GALNT15: variants seen among roughly 807,000 people sequenced by gnomAD.
GALNT15 encodes polypeptide N-acetylgalactosaminyltransferase 15.
Under a neutral mutation model 66.8 loss-of-function variants are expected in GALNT15, and 67 were observed. The ratio of observed to expected loss-of-function variants is 1.00; its 90% CI spans 0.82 to 1.23. The LOEUF (loss-of-function observed/expected upper bound fraction) is 1.23. Ranked by LOEUF, GALNT15 falls within the 50% of genes most tolerant of loss-of-function variation. The pLI, the probability that GALNT15 is intolerant of heterozygous loss-of-function variation, is 0.00. For synonymous variants in GALNT15, 313 were observed against 311.5 expected, an observed-to-expected ratio of 1.00 and a Z score of -0.05; for missense variants, 827 against 804.3, an observed-to-expected ratio of 1.03 and a Z score of -0.34.
downstream of GALNT15, among the ~76,000 whole-genome samples, chr3:16,236,607 A>C (rs1324956716): frequency 6.6e-6 from 1 of 152,272 alleles, no homozygotes; most frequent in Admixed American, 6.5e-5. Context: ...AGCTTTAAAA[A>C]TATAAAAATA....
rs1261978324 is a variant in GALNT15, at chr3:16,181,045, A to C, written c.539+5355A>C. Among the ~76,000 whole-genome samples, 1 of 152,236 alleles carries C rather than the reference A, an allele frequency of 6.6e-6. No individual in the cohort carries two copies. Among genetic ancestry groups the C allele is most frequent in the Non-Finnish European group, 1.5e-5 (1 of 68,046 alleles). ...GTGTGATGATTTTCCTTGTGTATTA[A>C]GTCCAAACAGAAGTTGCCCTTATCA... On this transcript the variant is annotated intron_variant, in intron 1 of 9. Transcript: ENST00000339732. The surrounding 1 kb of genome is among the most constrained non-coding windows in gnomAD (Gnocchi z 5.9).
chr3:16,210,900 A>C (rs1002181849), intron 4 of GALNT15, among the ~76,000 whole-genome samples: 8 of 152,214 alleles, frequency 5.3e-5, no homozygotes, highest in African/African-American at 1.9e-4. Flanking sequence ...CTGAGGACAG[A>C]GTATAGAAGG....
downstream of GALNT15, among the ~76,000 whole-genome samples, chr3:16,232,469 A>ATATACATATATAT (rs1553689249): frequency 5.2e-5 from 2 of 38,742 alleles, no homozygotes; most frequent in Non-Finnish European, 1.1e-4. Context: ...TAAATAAATA[A>ATATACATATATAT]ATATATATAT....
rs1299206488 is a variant in GALNT15, at chr3:16,180,971, GATA to G, written c.539+5289_539+5291del. Among the ~76,000 whole-genome samples, 1 of 152,136 alleles carries G rather than the reference GATA, an allele frequency of 6.6e-6. No homozygotes were observed. The highest frequency in any genetic ancestry group is 6.5e-5 in the Admixed American group (1 of 15,280). On this transcript the variant is annotated intron_variant, in intron 1 of 9. Transcript: ENST00000339732. This position sits in a 1 kb window ranked among gnomAD's most constrained non-coding sequence, Gnocchi z 5.0. ...CCTCAGTTCCTCAACTGTAAAATGG[GATA>G]ATAATAACACCCTTGCATAAGGTTG...
At chr3:16,232,711 C>G (rs1290991153), downstream of GALNT15, among the ~76,000 whole-genome samples, 1 of 151,170 alleles carries the variant, frequency 6.6e-6, no homozygotes, top group East Asian at 2.0e-4. Context: ...CCAGTTTGTT[C>G]CCCAGGCCTT....
intron 4 of GALNT15, among the ~76,000 whole-genome samples, 182 bp downstream of exon 4, chr3:16,208,852 GGGT>G (rs1277251254): frequency 1.3e-5 from 2 of 152,232 alleles, no homozygotes; most frequent in African/African-American, 4.8e-5. Context: ...TACCCTATAA[GGGT>G]TGTTGTGAAG....
intron 1 of GALNT15, among the ~76,000 whole-genome samples, chr3:16,190,112 C>A (rs35763870): frequency 0.054 from 8,223 of 152,224 alleles, 285 homozygotes; most frequent in Middle Eastern, 0.086. Flanking sequence ...CTTGCCACAC[C>A]CTCCTACTTG....
At position 16,175,141 on chromosome 3, in the gene GALNT15, G is replaced by A; in HGVS notation, c.-11G>A. On this transcript the variant is annotated 5_prime_UTR_variant, in exon 1 of 10. Transcript: ENST00000339732. This position sits in a 1 kb window ranked among gnomAD's most constrained non-coding sequence, Gnocchi z 5.6. ...GAACATGACCTGTTGCATTTGGCAA[G>A]TTCTAGCAACATGCTCCTAAGGAAG... The A allele has an allele frequency of 6.2e-7, 1 of 1,603,884 alleles. No homozygotes were observed. Among genetic ancestry groups the A allele is most frequent in the Non-Finnish European group, 8.5e-7 (1 of 1,172,262 alleles).
intron 6 of GALNT15, among the ~76,000 whole-genome samples, chr3:16,215,931 G>A (rs923585724): frequency 4.7e-4 from 63 of 134,544 alleles, no homozygotes; most frequent in East Asian, 5.0e-4. Context: ...AAAAAGAAGA[G>A]GAAGAAGAAG....
chr3:16,234,065 G>C (rs1421082275), downstream of GALNT15, among the ~76,000 whole-genome samples: 2 of 152,144 alleles, frequency 1.3e-5, no homozygotes, highest in East Asian at 3.8e-4. Context: ...ACATCTAATA[G>C]CTAAACATGA....
chr3:16,200,942 T>C lies in GALNT15; in HGVS notation c.911+119T>C. The C allele has an allele frequency of 1.4e-6, 1 of 734,438 alleles. No individual in the cohort carries two copies. Among genetic ancestry groups the C allele is most frequent in the South Asian group, 2.4e-5 (1 of 42,510 alleles). 45.5% of individuals were successfully genotyped at this position (734,438 alleles called of 1,614,324 possible). ...CCTGAATCTCCATTAGAGAGTGATA[T>C]ATTCCCTTCGGGTTTTCAGATGTGT... On this transcript the variant is annotated intron_variant, in intron 3 of 9. Transcript: ENST00000339732. This position sits in a 1 kb window ranked among gnomAD's most constrained non-coding sequence, Gnocchi z 4.4.
rs2063521909 is a variant in GALNT15, at chr3:16,186,881, C to G, written c.540-8879C>G. On this transcript the variant is annotated intron_variant, in intron 1 of 9. Transcript: ENST00000339732. The surrounding 1 kb of genome is among the most constrained non-coding windows in gnomAD (Gnocchi z 5.1). ...ATTAGACAGTGGTGATGGCTGCACA[C>G]CTTTATACTTGAATCCATGGAATTG... Among the ~76,000 whole-genome samples the G allele has an allele frequency of 6.6e-6, 1 of 152,032 alleles. No homozygotes were observed. The highest frequency in any genetic ancestry group is 1.5e-5 in the Non-Finnish European group (1 of 68,022).
At position 16,228,866 on chromosome 3, in the gene GALNT15, G is replaced by T; in HGVS notation, c.*1366G>T. On this transcript the variant is annotated 3_prime_UTR_variant, in exon 10 of 10. Transcript: ENST00000339732. ...ATAACTGTCTGGAACCCCCAAATGT[G>T]TCCACAGGTTGAATGTCCATGAGTG... The T allele has an allele frequency of 1.0e-6, 1 of 985,390 alleles. No individual in the cohort carries two copies. Among genetic ancestry groups the T allele is most frequent in the Non-Finnish European group, 1.2e-6 (1 of 829,948 alleles). The allele number at this position is 985,390 out of a possible 1,614,324, so 61.0% of individuals were successfully genotyped here. A position where few individuals can be genotyped will look rare whatever the true frequency, so the allele number is the denominator to read the frequency against.
chr3:16,228,112 G>T lies in GALNT15; in HGVS notation c.*612G>T, dbSNP rs763326249. The T allele has an allele frequency of 1.0e-6, 1 of 986,076 alleles. No homozygotes were observed. Among genetic ancestry groups the T allele is most frequent in the Non-Finnish European group, 1.2e-6 (1 of 830,102 alleles). The allele number at this position is 986,076 out of a possible 1,614,324, so 61.1% of individuals were successfully genotyped here. ...AATTCTCCAGCTCAACCCAGCAGCT[G>T]AAAAGCTTCAAGAGATCTAGGAAAA... is the stretch of plus-strand genomic sequence containing the variant. On this transcript the variant is annotated 3_prime_UTR_variant, in exon 10 of 10. Transcript: ENST00000339732.
At chr3:16,199,002 C>G (rs1383734272) in intron 2 of GALNT15, among the ~76,000 whole-genome samples, 1 of 142,542 alleles carries the variant, frequency 7.0e-6, no homozygotes, top group Non-Finnish European at 1.6e-5. Flanking sequence ...TACTGAGTGC[C>G]TACTGTGGGC....
At position 16,176,942 on chromosome 3, in the gene GALNT15, A is replaced by C. The variant is rs2063416894; in HGVS notation, c.539+1252A>C. On this transcript the variant is annotated intron_variant, in intron 1 of 9. Coordinates refer to ENST00000339732, the MANE Select transcript of GALNT15 (RefSeq NM_054110.5). This position sits in a 1 kb window ranked among gnomAD's most constrained non-coding sequence, Gnocchi z 5.6. ...CCGGGTGCCTCACTCACCGCACCCT[A>C]CTTCCATTTCAAACCCGCTACACTG... is the stretch of plus-strand genomic sequence containing the variant. Among the ~76,000 whole-genome samples, 1 of 152,146 alleles carries C rather than the reference A, an allele frequency of 6.6e-6. No homozygotes were observed. Among genetic ancestry groups the C allele is most frequent in the Non-Finnish European group, 1.5e-5 (1 of 68,030 alleles).
At chr3:16,232,001 C>G (rs957540756), downstream of GALNT15, 116 of 1,453,798 alleles carry the variant, frequency 8.0e-5, no homozygotes, top group Non-Finnish European at 1.0e-4. Flanking sequence ...GAGCTGCTAT[C>G]TTTAAAGTCA....
At chr3:16,218,234 C>A (rs2063901316) in intron 6 of GALNT15, among the ~76,000 whole-genome samples, 2 of 152,158 alleles carry the variant, frequency 1.3e-5, no homozygotes, top group African/African-American at 4.8e-5. Flanking sequence ...AAAGCAGAAC[C>A]AAACCAATCA....
At chr3:16,236,354 C>G (rs73818330), downstream of GALNT15, among the ~76,000 whole-genome samples, 1,559 of 152,282 alleles carry the variant, frequency 0.01, 32 homozygotes, top group African/African-American at 0.036. Context: ...ACTCTGTTAA[C>G]TCTGTTAACT....
Sources: allele counts gnomAD v4.1 joint callset (sites outside exome capture counted in the v4.1 genomes callset), GRCh38; gene constraint gnomAD v4.1.1; non-coding constraint Gnocchi (gnomAD v3.1); transcripts MANE v1.5; gene names NCBI Gene and HGNC (gene_info 2026-07-23, HGNC 2026-07-21).